Variants in CYTH3 observed in about 807,000 individuals in gnomAD.
The protein encoded by CYTH3 is cytohesin-3.
CYTH3 carries 23 observed loss-of-function variants against 55.1 expected under a neutral mutation model. The ratio of observed to expected loss-of-function variants is 0.42; its 90% CI spans 0.30 to 0.59. The LOEUF is 0.59. Among genes scored for constraint, CYTH3 ranks in the 20% least tolerant of loss-of-function variants. The pLI, the probability that CYTH3 is intolerant of heterozygous loss-of-function variation, is 0.20. For synonymous variants in CYTH3, 249 were observed against 194.9 expected, an observed-to-expected ratio of 1.28 and a Z score of -2.31; for missense variants, 413 against 524.8, an observed-to-expected ratio of 0.79 and a Z score of 2.08.
rs537329282 is a variant in CYTH3, at chr7:6,173,232, C to T, written c.449+421G>A. ...GCATCCAGGGAGTGTGTCCCAGACA[C>T]CAAAATGGCGAGACACCTACATCCT... On this transcript the variant is annotated intron_variant, in intron 6 of 12. Coordinates refer to ENST00000350796, the MANE Select transcript of CYTH3 (RefSeq NM_004227.4). 9.9e-5 allele frequency among the ~76,000 whole-genome samples: 15 copies of T among 152,268 alleles called. No homozygotes were observed. The South Asian group carries it at 2.9e-3, about 29-fold the overall frequency.
chr7:6,188,430 G>A (rs1783713980), intron 2 of CYTH3, among the ~76,000 whole-genome samples: 1 of 151,858 alleles, frequency 6.6e-6, no homozygotes, highest in African/African-American at 2.4e-5. Flanking sequence ...GCCCTGCCAT[G>A]CAAACAGTTG....
intron 1 of CYTH3, chr7:6,212,855 G>A (rs1784351991): frequency 6.6e-6 from 1 of 152,124 alleles, no homozygotes; most frequent in African/African-American, 2.4e-5. Context: ...CATTGTGAAG[G>A]GCACTGGGGC....
At position 6,195,374 on chromosome 7, in the gene CYTH3, A is replaced by G. The variant is rs542002294; in HGVS notation, c.35-4843T>C. 2.0e-5 allele frequency among the ~76,000 whole-genome samples: 3 copies of G among 152,372 alleles called. No homozygotes were observed. In the East Asian group the frequency reaches 5.8e-4, roughly 29 times the overall value. On this transcript the variant is annotated intron_variant, in intron 1 of 12. Coordinates refer to ENST00000350796, the MANE Select transcript of CYTH3 (RefSeq NM_004227.4). ...AATATGCTTCACAAAGATACAAATA[A>G]TACAATTAACATAAAATTTTTAATT...
intron 1 of CYTH3, among the ~76,000 whole-genome samples, chr7:6,259,823 TATATATATA>T (rs1562418222): frequency 1.3e-4 from 3 of 22,870 alleles, no homozygotes; most frequent in African/African-American, 5.0e-4. Context: ...AATATATATA[TATATATATA>T]TTTTTTTTTT....
intron 1 of CYTH3, among the ~76,000 whole-genome samples, chr7:6,257,339 A>G (rs1218796675): frequency 6.6e-6 from 1 of 152,190 alleles, no homozygotes; most frequent in Non-Finnish European, 1.5e-5. Context: ...TCCTTTCTCA[A>G]CTCAAAAAAA....
intron 1 of CYTH3, among the ~76,000 whole-genome samples, chr7:6,254,783 A>G (rs1780058370): frequency 6.6e-6 from 1 of 152,160 alleles, no homozygotes; most frequent in Non-Finnish European, 1.5e-5. Context: ...GGGTTCAGTC[A>G]CACACACACA....
chr7:6,220,230 G>A (rs546958632), intron 1 of CYTH3, among the ~76,000 whole-genome samples: 193 of 152,132 alleles, frequency 1.3e-3, no homozygotes, highest in Middle Eastern at 3.4e-3. Flanking sequence ...GTGTAAAAGC[G>A]GTCCAATGCA....
intron 1 of CYTH3, among the ~76,000 whole-genome samples, chr7:6,200,168 T>C (rs1784026123): frequency 6.6e-6 from 1 of 152,242 alleles, no homozygotes; most frequent in African/African-American, 2.4e-5. Context: ...TATCTCCAAG[T>C]TGATTCAGTA....
intron 1 of CYTH3, among the ~76,000 whole-genome samples, chr7:6,210,272 A>T (rs1784294782): frequency 6.6e-6 from 1 of 152,204 alleles, no homozygotes; most frequent in Non-Finnish European, 1.5e-5. Context: ...TCTAAAAACT[A>T]AAGTCTATTA....
chr7:6,258,145 C>T (rs78562522), intron 1 of CYTH3, among the ~76,000 whole-genome samples: 6,926 of 151,420 alleles, frequency 0.046, 538 homozygotes, highest in African/African-American at 0.16. Flanking sequence ...TTTGCTTTTT[C>T]TTTTTTTTCC....
intron 1 of CYTH3, among the ~76,000 whole-genome samples, chr7:6,269,291 A>G (rs1374871952): frequency 6.6e-6 from 1 of 152,228 alleles, no homozygotes; most frequent in Admixed American, 6.5e-5. Flanking sequence ...CAAATATTTC[A>G]AACTTGAAAC....
chr7:6,172,985 A>T, intron 6 of CYTH3: 1 of 1,099,178 alleles, frequency 9.1e-7, no homozygotes, highest in Non-Finnish European at 1.1e-6. Context: ...GAAGATGACG[A>T]GGTGCGGCCT....
intron 1 of CYTH3, among the ~76,000 whole-genome samples, chr7:6,243,500 T>C (rs1175972597): frequency 1.3e-5 from 2 of 152,196 alleles, no homozygotes; most frequent in South Asian, 2.1e-4. Flanking sequence ...GTTAAGAGTT[T>C]TTTCCACTTC....
At chr7:6,259,805 ATATATATAATATATATATATATATATATT>A (rs1562417951) in intron 1 of CYTH3, among the ~76,000 whole-genome samples, 35 of 25,690 alleles carry the variant, frequency 1.4e-3, no homozygotes, top group East Asian at 7.9e-3. Flanking sequence ...ATATATATAT[ATATATATAATATATATATATATATATATT>A]TTTTTTTTTT....
In CYTH3 at chr7:6,191,185, C is replaced by T. The variant is rs147963284; in HGVS notation, c.35-654G>A. 2.7e-3 allele frequency among the ~76,000 whole-genome samples: 409 copies of T among 151,856 alleles called. 1 individual carries two copies. The highest frequency in any genetic ancestry group is 9.6e-3 in the African/African-American group (397 of 41,418). The stretch of plus-strand genomic sequence containing the variant: ...GGCTAAATTCAGGCACGGTGGCTCA[C>T]GTCTCTAATCCCAGCACTTTGGGAC... On this transcript the variant is annotated intron_variant, in intron 1 of 12. Coordinates refer to ENST00000350796, the MANE Select transcript of CYTH3 (RefSeq NM_004227.4).
At chr7:6,232,601 C>A (rs1349453447) in intron 1 of CYTH3, among the ~76,000 whole-genome samples, 3 of 152,116 alleles carry the variant, frequency 2.0e-5, no homozygotes, top group African/African-American at 7.2e-5. Flanking sequence ...AAGAAACAGA[C>A]AATTTGGAAA....
Position 6,171,330 on chromosome 7 carries a change from A to G in CYTH3, c.450-16T>C. 6.2e-7 allele frequency: 1 copy of G among 1,612,266 alleles called. No homozygotes were observed. The highest frequency in any genetic ancestry group is 8.5e-7 in the Non-Finnish European group (1 of 1,178,502). ...TAAGAACTGCCTGTGGAGACACCAA[A>G]GCCATGGGAAGCCGCATCAGAACCA... On this transcript the variant is annotated splice_polypyrimidine_tract_variant and intron_variant, in intron 6 of 12. Coordinates refer to ENST00000350796, the MANE Select transcript of CYTH3 (RefSeq NM_004227.4). The surrounding 1 kb of genome is among the most constrained non-coding windows in gnomAD (Gnocchi z 6.7).
At chr7:6,248,639 G>A (rs1403552001) in intron 1 of CYTH3, among the ~76,000 whole-genome samples, 2 of 152,180 alleles carry the variant, frequency 1.3e-5, no homozygotes, top group Admixed American at 6.5e-5. Context: ...TATCGCTGCT[G>A]CACAAGCCCA....
intron 1 of CYTH3, 48 bp downstream of exon 1, chr7:6,272,426 C>G (rs759913788): frequency 2.3e-5 from 27 of 1,192,714 alleles, no homozygotes; most frequent in South Asian, 5.4e-5. Flanking sequence ...CAGCCCCCGG[C>G]CCCCGACCCC....
Sources: allele counts gnomAD v4.1 joint callset (sites outside exome capture counted in the v4.1 genomes callset), GRCh38; gene constraint gnomAD v4.1.1; non-coding constraint Gnocchi (gnomAD v3.1); transcripts MANE v1.5; gene names NCBI Gene and HGNC (gene_info 2026-07-23, HGNC 2026-07-21).